GRIK4: variants seen among roughly 807,000 people sequenced by gnomAD.
GRIK4 encodes glutamate receptor ionotropic, kainate 4.
GRIK4 carries 40 observed loss-of-function variants against 104.9 expected under a neutral mutation model. That is an observed-to-expected ratio of 0.38 (90% confidence interval 0.30 to 0.50). The LOEUF is 0.50. GRIK4 is among the 20% of genes least tolerant of loss of function. The pLI, the probability that GRIK4 is intolerant of heterozygous loss-of-function variation, is 0.93. For missense variants in GRIK4, 1,047 were observed against 1,308.1 expected (o/e 0.80, Z 3.08); for synonymous variants, 485 against 524.9 (o/e 0.92, Z 1.04).
At chr11:120,668,440 GA>G (rs1223263482) in intron 3 of GRIK4, among the ~76,000 whole-genome samples, 5 of 152,082 alleles carry the variant, frequency 3.3e-5, no homozygotes, top group African/African-American at 1.2e-4. Flanking sequence ...TGAAAAGAAA[GA>G]GGCTTACCTC....
chr11:120,686,218 G>T (rs1161580496), intron 3 of GRIK4, among the ~76,000 whole-genome samples: 1 of 151,998 alleles, frequency 6.6e-6, no homozygotes, highest in Non-Finnish European at 1.5e-5. Flanking sequence ...TACCTATCCT[G>T]CATTTTTAAA....
chr11:120,756,102 C>T (rs7947568), intron 3 of GRIK4, among the ~76,000 whole-genome samples: 4,085 of 152,284 alleles, frequency 0.027, 163 homozygotes, highest in African/African-American at 0.083. Flanking sequence ...CTATCTGCCC[C>T]AGGATGGTTG....
rs563791317 is a variant in GRIK4, at chr11:120,799,802, T to C, written c.83-2891T>C. Among the ~76,000 whole-genome samples the C allele has an allele frequency of 7.2e-5, 11 of 152,306 alleles. No individual in the cohort carries two copies. The South Asian group carries it at 2.1e-3, about 29-fold the overall frequency. ...ATGGCACTGCCAGTTCCTGATACTT[T>C]AGATGTCTCTTTTCCTTGTTGTACA... On this transcript the variant is annotated intron_variant, in intron 3 of 20. Transcript: ENST00000527524.
intron 1 of GRIK4, among the ~76,000 whole-genome samples, chr11:120,580,331 A>G (rs1948562076): frequency 6.7e-6 from 1 of 149,566 alleles, no homozygotes. Context: ...ACTGGAGTGC[A>G]GTGGCGCGAT....
chr11:120,733,157 C>A (rs949870850), intron 3 of GRIK4, among the ~76,000 whole-genome samples: 1 of 152,132 alleles, frequency 6.6e-6, no homozygotes, highest in Non-Finnish European at 1.5e-5. Flanking sequence ...TGTATAGCTA[C>A]TTCTGCTCTT....
chr11:120,893,017 T>C (rs1403382306), intron 11 of GRIK4, among the ~76,000 whole-genome samples: 2 of 152,212 alleles, frequency 1.3e-5, no homozygotes, highest in African/African-American at 4.8e-5. Flanking sequence ...AGCGCAGAAC[T>C]GCAGGCAGTG....
intron 9 of GRIK4, chr11:120,869,836 G>A (rs536334921): frequency 6.6e-6 from 1 of 152,416 alleles, no homozygotes; most frequent in Non-Finnish European, 1.5e-5. Flanking sequence ...TGGTACCAGA[G>A]TACTCTCGGC....
At chr11:120,713,205 T>C (rs569271497) in intron 3 of GRIK4, among the ~76,000 whole-genome samples, 6 of 152,214 alleles carry the variant, frequency 3.9e-5, no homozygotes, top group Non-Finnish European at 7.3e-5. Context: ...TGTTTATAGG[T>C]CTGCTGTATT....
At chr11:120,634,780 C>T (rs905851142) in intron 1 of GRIK4, among the ~76,000 whole-genome samples, 1 of 152,100 alleles carries the variant, frequency 6.6e-6, no homozygotes, top group Non-Finnish European at 1.5e-5. Context: ...CAGGAGGGGG[C>T]GATTCACCTT....
chr11:120,985,627 C>CAAAAA (rs34882153), intron 20 of GRIK4, among the ~76,000 whole-genome samples: 1 of 113,986 alleles, frequency 8.8e-6, no homozygotes, highest in Non-Finnish European at 1.8e-5. Flanking sequence ...TGGAAATGTG[C>CAAAAA]AAAAAAAAAA....
At chr11:120,691,276 A>G (rs1359005881) in intron 3 of GRIK4, among the ~76,000 whole-genome samples, 1 of 152,204 alleles carries the variant, frequency 6.6e-6, no homozygotes, top group Non-Finnish European at 1.5e-5. Flanking sequence ...CTTGGGAGAC[A>G]TTGAGAGCTC....
chr11:120,661,588 A>G lies in GRIK4; in HGVS notation c.82+1188A>G, dbSNP rs76899495. Among the ~76,000 whole-genome samples, 169 of 152,320 alleles carry G rather than the reference A, an allele frequency of 1.1e-3. 2 individuals carry two copies. The East Asian group carries it at 0.032, about 29-fold the overall frequency. On this transcript the variant is annotated intron_variant, in intron 3 of 20. Transcript: ENST00000527524. ...CTCCCAAATTCCTCCAATTGCATTCAGGTCGGTGTGCTGGTGATGGTCAGG... is the reference window on the plus strand; with the variant it reads ...CTCCCAAATTCCTCCAATTGCATTCGGGTCGGTGTGCTGGTGATGGTCAGG...
intron 2 of GRIK4, among the ~76,000 whole-genome samples, chr11:120,658,727 CTTTTTTTTTTTTTTTTTT>C (rs71050753): frequency 1.8e-3 from 103 of 56,730 alleles, no homozygotes; most frequent in Middle Eastern, 0.016. Context: ...GAGGACGAAA[CTTTTTTTTTTTTTTTTTT>C]TTTTTTTTTT....
intron 3 of GRIK4, among the ~76,000 whole-genome samples, chr11:120,770,881 G>A (rs1258309739): frequency 1.3e-5 from 2 of 152,146 alleles, no homozygotes; most frequent in African/African-American, 4.8e-5. Flanking sequence ...CAGAAAGCAG[G>A]CCCTCACTGG....
rs142433514 is a variant in GRIK4, at chr11:120,660,363, C to T, written c.45C>T (p.Leu15=). The change falls in exon 3 of 21, where the codon CTC becomes CTT. Residue 15 remains leucine, a synonymous_variant. Transcript: ENST00000527524. ...CTTTGGTGCTGCTTCCTGCGTGGCT[C>T]GTGATGGTCGCCTGCAGCCCGCACT... is the stretch of plus-strand genomic sequence containing the variant. ...SAPLVLLPAW[L]VMVACSPHSL... The T allele has an allele frequency of 7.6e-5, 122 of 1,613,302 alleles. 1 individual carries two copies. In the African/African-American group the frequency reaches 1.2e-3, roughly 16 times the overall value.
At chr11:120,536,509 T>TG (rs950611876) in intron 1 of GRIK4, among the ~76,000 whole-genome samples, 5 of 152,132 alleles carry the variant, frequency 3.3e-5, no homozygotes, top group Non-Finnish European at 4.4e-5. Context: ...GATTACAGAT[T>TG]GGGGGGGCCT....
intron 1 of GRIK4, among the ~76,000 whole-genome samples, chr11:120,567,317 G>A (rs1381048065): frequency 4.0e-5 from 6 of 151,476 alleles, no homozygotes; most frequent in Admixed American, 2.6e-4. Context: ...GTGCCACTAC[G>A]CCCAGCTAAT....
At chr11:120,702,483 A>G (rs779664286) in intron 3 of GRIK4, among the ~76,000 whole-genome samples, 5 of 152,232 alleles carry the variant, frequency 3.3e-5, no homozygotes, top group Non-Finnish European at 2.9e-5. Context: ...AGTAATCAAT[A>G]TACAGATTGT....
At chr11:120,753,084 G>A (rs1456683506) in intron 3 of GRIK4, among the ~76,000 whole-genome samples, 4 of 152,256 alleles carry the variant, frequency 2.6e-5, no homozygotes, top group Non-Finnish European at 4.4e-5. Context: ...TCACCTCATC[G>A]TGTCCTTTAC....
Sources: allele counts gnomAD v4.1 joint callset (sites outside exome capture counted in the v4.1 genomes callset), GRCh38; gene constraint gnomAD v4.1.1; transcripts MANE v1.5; gene names NCBI Gene and HGNC (gene_info 2026-07-23, HGNC 2026-07-21).